CALN1: variants seen among roughly 807,000 people sequenced by gnomAD.
CALN1 encodes the protein calcium-binding protein 8.
In CALN1, 17 loss-of-function variants were observed where a neutral mutation model predicts 30.6. That is an observed-to-expected ratio of 0.56 (90% confidence interval 0.38 to 0.83). CALN1 has a LOEUF of 0.83. Among genes scored for constraint, CALN1 ranks in the 40% least tolerant of loss-of-function variants. The pLI is 0.00. For synonymous variants in CALN1, 156 were observed against 131.4 expected (o/e 1.19, Z -1.28); for missense variants, 291 against 354.9 (o/e 0.82, Z 1.45).
rs184059264 is a variant in CALN1 at position 72,261,901 on chromosome 7, C to A, written c.244+16785G>T. ...GTTAACCAGATGACGTTAGGGAAAC[C>A]GCAAGAGGAGTGAGAATAATCAGGG... On this transcript the variant is annotated intron_variant, in intron 3 of 6. Transcript: ENST00000395275. Among the ~76,000 whole-genome samples the A allele has an allele frequency of 2.6e-5, 4 of 152,240 alleles. No individual in the cohort carries two copies. The East Asian group carries it at 7.7e-4, about 29-fold the overall frequency.
At chr7:72,207,078 G>C (rs1249742983) in intron 3 of CALN1, among the ~76,000 whole-genome samples, 1 of 152,102 alleles carries the variant, frequency 6.6e-6, no homozygotes, top group African/African-American at 2.4e-5. Context: ...CAATTTGCCA[G>C]AAAGAAAAAG....
chr7:72,204,531 G>A (rs1237395878), intron 3 of CALN1, among the ~76,000 whole-genome samples: 1 of 152,076 alleles, frequency 6.6e-6, no homozygotes, highest in Non-Finnish European at 1.5e-5. Flanking sequence ...AATATACTAT[G>A]TAATGTGGCA....
At chr7:72,051,370 A>C (rs1802828243) in intron 4 of CALN1, among the ~76,000 whole-genome samples, 1 of 152,132 alleles carries the variant, frequency 6.6e-6, no homozygotes, top group Non-Finnish European at 1.5e-5. Context: ...ATTTTTTGTG[A>C]AACTATTGAC....
chr7:72,306,959 CG>C (rs1799698781), intron 2 of CALN1, among the ~76,000 whole-genome samples: 1 of 152,128 alleles, frequency 6.6e-6, no homozygotes. Context: ...TAGCATCACA[CG>C]GAAGAGAGGA....
intron 5 of CALN1, among the ~76,000 whole-genome samples, chr7:71,896,360 CTTCT>C (rs1251769896): frequency 2.6e-5 from 4 of 152,088 alleles, no homozygotes; most frequent in East Asian, 1.9e-4. Flanking sequence ...CTCTAGAGAA[CTTCT>C]TTCTTTCTTA....
chr7:71,944,007 T>C (rs1313977591), intron 5 of CALN1, among the ~76,000 whole-genome samples: 2 of 152,306 alleles, frequency 1.3e-5, no homozygotes, highest in East Asian at 3.9e-4. Flanking sequence ...TTTTGGAACC[T>C]GACATTCCCC....
intron 5 of CALN1, among the ~76,000 whole-genome samples, chr7:71,978,685 C>T (rs1320689842): frequency 6.6e-6 from 1 of 152,140 alleles, no homozygotes; most frequent in Non-Finnish European, 1.5e-5. Context: ...CCTATTACTT[C>T]CCATTGTGCA....
intron 2 of CALN1, among the ~76,000 whole-genome samples, chr7:72,401,415 A>G (rs1240691040): frequency 6.6e-6 from 1 of 152,208 alleles, no homozygotes; most frequent in African/African-American, 2.4e-5. Context: ...CACTGCACAA[A>G]GAAAATCTTT....
At chr7:72,359,669 C>A (rs374814029) in intron 2 of CALN1, among the ~76,000 whole-genome samples, 1 of 151,992 alleles carries the variant, frequency 6.6e-6, no homozygotes, top group African/African-American at 2.4e-5. Flanking sequence ...AGTGGAGGAA[C>A]CTTGTGAAAG....
At chr7:72,180,044 G>A (rs991944673) in intron 3 of CALN1, among the ~76,000 whole-genome samples, 1 of 152,128 alleles carries the variant, frequency 6.6e-6, no homozygotes, top group Non-Finnish European at 1.5e-5. Context: ...TATCTCTAAT[G>A]TGCCCCACCC....
intron 1 of CALN1, among the ~76,000 whole-genome samples, chr7:72,431,922 T>C (rs1299450193): frequency 3.3e-5 from 5 of 151,482 alleles, no homozygotes. Context: ...CACCTCCTAA[T>C]CTTGAGGAAT....
chr7:71,925,962 T>G (rs940986804), intron 5 of CALN1, among the ~76,000 whole-genome samples: 4 of 152,158 alleles, frequency 2.6e-5, no homozygotes, highest in African/African-American at 9.7e-5. Context: ...TAAATGATTC[T>G]CCTGCCTCAG....
At chr7:72,133,549 A>G (rs1159336143) in intron 3 of CALN1, among the ~76,000 whole-genome samples, 2 of 152,216 alleles carry the variant, frequency 1.3e-5, no homozygotes, top group African/African-American at 4.8e-5. Flanking sequence ...TTCAGGCAAA[A>G]ATCACTAATG....
chr7:72,493,870 T>C, the CALN1 span, among the ~76,000 whole-genome samples: 1 of 152,176 alleles, frequency 6.6e-6, no homozygotes, highest in South Asian at 2.1e-4. Flanking sequence ...TTAGTGTGCT[T>C]TGTGGGTGTA....
intron 2 of CALN1, among the ~76,000 whole-genome samples, chr7:72,292,471 GACCCAATCACCTCTCAAAGGCC>G (rs1798552281): frequency 6.8e-6 from 1 of 146,144 alleles, no homozygotes; most frequent in Non-Finnish European, 1.5e-5. Context: ...ACTATATCAT[GACCCAATCACCTCTCAAAGGCC>G]ATATCTGCTA....
intron 3 of CALN1, among the ~76,000 whole-genome samples, chr7:72,141,248 C>T (rs757493416): frequency 5.9e-5 from 9 of 152,034 alleles, no homozygotes; most frequent in Non-Finnish European, 1.0e-4. Flanking sequence ...GCCATGATTG[C>T]ACCACTGTAC....
At chr7:72,077,672 T>A (rs1482177839) in intron 4 of CALN1, among the ~76,000 whole-genome samples, 1 of 152,194 alleles carries the variant, frequency 6.6e-6, no homozygotes, top group Non-Finnish European at 1.5e-5. Flanking sequence ...TGTGTGTATA[T>A]GTGTTTGCAA....
At chr7:72,466,906 A>G in the CALN1 span, among the ~76,000 whole-genome samples, 1 of 152,080 alleles carries the variant, frequency 6.6e-6, no homozygotes, top group Admixed American at 6.5e-5. Context: ...AGAAAGAGAA[A>G]GAAAGAAAGA....
chr7:71,805,579 AAAT>A (rs1325153862), intron 6 of CALN1, among the ~76,000 whole-genome samples: 2 of 152,176 alleles, frequency 1.3e-5, no homozygotes, highest in East Asian at 3.9e-4. Context: ...ACACCTTAGA[AAAT>A]TAATCAAGGA....
Sources: allele counts gnomAD v4.1 joint callset (sites outside exome capture counted in the v4.1 genomes callset), GRCh38; gene constraint gnomAD v4.1.1; transcripts MANE v1.5; gene names NCBI Gene and HGNC (gene_info 2026-07-23, HGNC 2026-07-21).